The following PDE7B variants were observed in gnomAD, a reference collection of about 807,000 sequenced individuals.
The protein encoded by PDE7B is phosphodiesterase 7B.
In PDE7B, 29 loss-of-function variants were observed where a neutral mutation model predicts 56.2. The observed-to-expected ratio is 0.52, with a 90% CI of 0.38 to 0.70. The LOEUF (loss-of-function observed/expected upper bound fraction) is 0.70. Among genes scored for constraint, PDE7B ranks in the 30% least tolerant of loss-of-function variants. PDE7B has a pLI of 0.00. For synonymous variants in PDE7B, 197 were observed against 196.9 expected (o/e 1.00, Z 0.00); for missense variants, 490 against 565.0 (o/e 0.87, Z 1.35).
chr6:136,022,482 A>G (rs1776088652), intron 2 of PDE7B, among the ~76,000 whole-genome samples: 1 of 152,206 alleles, frequency 6.6e-6, no homozygotes, highest in African/African-American at 2.4e-5. Context: ...TTTGTCATCT[A>G]GGGTCAAGGA....
chr6:136,179,172 G>A, intron 10 of PDE7B, 31 bp downstream of exon 10: 1 of 1,608,968 alleles, frequency 6.2e-7, no homozygotes, highest in Non-Finnish European at 8.5e-7. Context: ...CATTCTTTTT[G>A]CTGAGTGAAA....
rs964116028 is a variant in PDE7B, at chr6:135,926,238, C to T, written c.22-21226C>T. Among the ~76,000 whole-genome samples the T allele has an allele frequency of 1.4e-4, 21 of 151,996 alleles. 1 individual carries two copies. In the South Asian group the frequency reaches 2.5e-3, roughly 18 times the overall value. On this transcript the variant is annotated intron_variant, in intron 1 of 12. Coordinates refer to ENST00000308191, the MANE Select transcript of PDE7B (RefSeq NM_018945.4). ...AGCAGCTGGGACTACAGGCACCCGC[C>T]ACCACGCCCAGCTAATTTTTTTGTA...
chr6:136,038,229 ACAGCAG>A (rs749880317), intron 2 of PDE7B: 4 of 1,294,020 alleles, frequency 3.1e-6, no homozygotes, highest in African/African-American at 1.5e-5. Context: ...AGCAGCAGCA[ACAGCAG>A]CAGCAGCAGC....
At chr6:135,909,390 G>A (rs535400282) in intron 1 of PDE7B, among the ~76,000 whole-genome samples, 3 of 152,178 alleles carry the variant, frequency 2.0e-5, no homozygotes, top group East Asian at 3.9e-4. Flanking sequence ...CGAGGTGGAC[G>A]TATCACTTGA....
At chr6:136,053,686 G>C (rs1386416142) in intron 2 of PDE7B, among the ~76,000 whole-genome samples, 1 of 152,134 alleles carries the variant, frequency 6.6e-6, no homozygotes, top group Admixed American at 6.6e-5. Flanking sequence ...CATTGTAAAA[G>C]TGTTCCTATT....
At chr6:136,005,422 A>T (rs12177690) in intron 2 of PDE7B, among the ~76,000 whole-genome samples, 20,954 of 151,958 alleles carry the variant, frequency 0.14, 3,066 homozygotes, top group African/African-American at 0.37. Flanking sequence ...CAGGCAACCT[A>T]CAAAATGGGA....
At chr6:136,012,776 G>C (rs1454027563) in intron 2 of PDE7B, 1 of 152,140 alleles carries the variant, frequency 6.6e-6, no homozygotes, top group African/African-American at 2.4e-5. Context: ...AAACATATAA[G>C]GAAAAGAAGA....
chr6:135,944,585 G>C lies in PDE7B; in HGVS notation c.22-2879G>C, dbSNP rs558619834. Among the ~76,000 whole-genome samples, 453 of 152,238 alleles carry C rather than the reference G, an allele frequency of 3.0e-3. 6 individuals carry two copies. Among genetic ancestry groups the C allele is most frequent in the Non-Finnish European group, 3.5e-3 (236 of 67,998 alleles). ...AGGACCACCTCATTGTCATTGGAAG[G>C]GCCACCACACCTGTTCTTGCTATTT... On this transcript the variant is annotated intron_variant, in intron 1 of 12. Coordinates refer to ENST00000308191, the MANE Select transcript of PDE7B (RefSeq NM_018945.4).
intron 2 of PDE7B, among the ~76,000 whole-genome samples, chr6:136,015,454 A>T (rs1368395684): frequency 1.3e-5 from 2 of 152,222 alleles, no homozygotes; most frequent in Admixed American, 6.5e-5. Context: ...TAGAATTACA[A>T]ATTTGCTACA....
At chr6:135,996,277 T>C (rs1406420136) in intron 2 of PDE7B, among the ~76,000 whole-genome samples, 2 of 152,220 alleles carry the variant, frequency 1.3e-5, no homozygotes, top group African/African-American at 2.4e-5. Flanking sequence ...TTTTTCTAGA[T>C]TTCTAGATTT....
chr6:135,855,522 G>A (rs114862128), intron 1 of PDE7B, among the ~76,000 whole-genome samples: 5,850 of 152,226 alleles, frequency 0.038, 131 homozygotes, highest in South Asian at 0.083. Flanking sequence ...TTTATATGAT[G>A]ATCTATAATG....
intron 1 of PDE7B, among the ~76,000 whole-genome samples, chr6:135,886,187 TAAGGTG>T (rs1775706402): frequency 6.6e-6 from 1 of 152,078 alleles, no homozygotes; most frequent in Admixed American, 6.6e-5. Flanking sequence ...AAGGACACCA[TAAGGTG>T]TCCTTATATT....
chr6:136,164,664 A>T (rs1778765535), intron 8 of PDE7B, among the ~76,000 whole-genome samples: 1 of 152,190 alleles, frequency 6.6e-6, no homozygotes, highest in South Asian at 2.1e-4. Flanking sequence ...ATGTTAGGAA[A>T]TTTTTTTAAA....
At chr6:136,124,531 T>C (rs953141706) in intron 3 of PDE7B, among the ~76,000 whole-genome samples, 3 of 152,152 alleles carry the variant, frequency 2.0e-5, no homozygotes, top group African/African-American at 7.2e-5. Flanking sequence ...TGAGGCCAAG[T>C]TTCAGTCATC....
At chr6:136,031,868 A>G (rs1461200150) in intron 2 of PDE7B, among the ~76,000 whole-genome samples, 1 of 152,174 alleles carries the variant, frequency 6.6e-6, no homozygotes, top group Non-Finnish European at 1.5e-5. Flanking sequence ...GATTAAGAGG[A>G]AAGAACCCTC....
chr6:135,903,854 A>C (rs556912981), intron 1 of PDE7B, among the ~76,000 whole-genome samples: 1 of 152,350 alleles, frequency 6.6e-6, no homozygotes, highest in East Asian at 1.9e-4. Context: ...GGCATCCTCT[A>C]TAGGGTGCCC....
chr6:135,943,738 T>C (rs1229287176), intron 1 of PDE7B, among the ~76,000 whole-genome samples: 1 of 152,142 alleles, frequency 6.6e-6, no homozygotes, highest in Non-Finnish European at 1.5e-5. Flanking sequence ...TCCACAAAGA[T>C]TTATGAAGGC....
At chr6:135,928,489 A>G (rs965768835) in intron 1 of PDE7B, among the ~76,000 whole-genome samples, 1 of 81,764 alleles carries the variant, frequency 1.2e-5, no homozygotes, top group Non-Finnish European at 2.4e-5. Context: ...ATATTTATTT[A>G]TATATATATA....
intron 1 of PDE7B, among the ~76,000 whole-genome samples, chr6:135,925,364 G>T (rs1428715717): frequency 6.6e-6 from 1 of 152,024 alleles, no homozygotes; most frequent in Non-Finnish European, 1.5e-5. Context: ...CTCTATCTCA[G>T]CTAGATAGTC....
Sources: gnomAD v4.1 joint callset for allele counts (sites outside exome capture counted in the v4.1 genomes callset) on GRCh38, gnomAD v4.1.1 for gene constraint, MANE v1.5 for transcripts, NCBI Gene and HGNC (gene_info 2026-07-23, HGNC 2026-07-21) for gene names.